Variants in FAM78B observed in about 807,000 individuals in gnomAD.
The protein encoded by FAM78B is protein FAM78B.
A neutral mutation model predicts 20.0 loss-of-function variants in FAM78B; 10 were observed. The ratio of observed to expected loss-of-function variants is 0.50; its 90% CI spans 0.31 to 0.85. FAM78B has a LOEUF of 0.85. Among genes scored for constraint, FAM78B ranks in the 40% least tolerant of loss-of-function variants. The pLI, the probability that FAM78B is intolerant of heterozygous loss-of-function variation, is 0.05. For synonymous variants in FAM78B, 135 were observed against 132.8 expected, an observed-to-expected ratio of 1.02 and a Z score of -0.12; for missense variants, 283 against 345.0, an observed-to-expected ratio of 0.82 and a Z score of 1.42.
intron 1 of FAM78B, among the ~76,000 whole-genome samples, chr1:166,145,226 C>A (rs1655413898): frequency 6.6e-6 from 1 of 152,232 alleles, no homozygotes; most frequent in Non-Finnish European, 1.5e-5. Flanking sequence ...GAATCACCAT[C>A]CCTGCCTCAG....
intron 1 of FAM78B, among the ~76,000 whole-genome samples, chr1:166,140,248 G>T (rs2101788030): frequency 6.6e-6 from 1 of 152,378 alleles, no homozygotes; most frequent in Non-Finnish European, 1.5e-5. Flanking sequence ...CCAACATGCG[G>T]CTTCTAAGCG....
At chr1:166,135,800 G>A (rs930470490) in intron 1 of FAM78B, among the ~76,000 whole-genome samples, 3 of 152,162 alleles carry the variant, frequency 2.0e-5, no homozygotes, top group East Asian at 1.9e-4. Flanking sequence ...TGTCAACTAC[G>A]GAAGGGAGGT....
intron 1 of FAM78B, among the ~76,000 whole-genome samples, chr1:166,121,221 C>A (rs1459623499): frequency 6.6e-6 from 1 of 152,198 alleles, no homozygotes; most frequent in Admixed American, 6.5e-5. Context: ...TCAAGGTCCA[C>A]AAGGGGCCAC....
intron 1 of FAM78B, among the ~76,000 whole-genome samples, chr1:166,116,045 T>C (rs1041383795): frequency 2.6e-5 from 4 of 152,228 alleles, no homozygotes; most frequent in African/African-American, 9.6e-5. Flanking sequence ...GCTAAGTGCA[T>C]AGGCCCCTAG....
At chr1:166,115,623 C>T (rs941361434) in intron 1 of FAM78B, among the ~76,000 whole-genome samples, 4 of 152,188 alleles carry the variant, frequency 2.6e-5, no homozygotes, top group African/African-American at 4.8e-5. Context: ...TCCCTACCTT[C>T]GCCGGGGCAG....
At chr1:166,065,820 G>C (rs1651772989), downstream of FAM78B, among the ~76,000 whole-genome samples, 1 of 152,122 alleles carries the variant, frequency 6.6e-6, no homozygotes, top group Non-Finnish European at 1.5e-5. Flanking sequence ...TGCTCACTCA[G>C]CTCCCTTTCT....
At chr1:166,155,765 A>G (rs6677013) in intron 1 of FAM78B, among the ~76,000 whole-genome samples, 3,597 of 152,228 alleles carry the variant, frequency 0.024, 159 homozygotes, top group African/African-American at 0.083. Context: ...GCCATTTTGG[A>G]ATGGAGGCTC....
At chr1:166,058,315 G>A (rs899873350) in exon 3 of FAM78B, 2 of 152,238 alleles carry the variant, frequency 1.3e-5, no homozygotes, top group African/African-American at 4.8e-5. Flanking sequence ...CCTGAGAGAT[G>A]GGACATAGGG....
At chr1:166,081,454 C>T (rs550294917) in intron 1 of FAM78B, among the ~76,000 whole-genome samples, 2 of 152,116 alleles carry the variant, frequency 1.3e-5, no homozygotes. Context: ...GGTTGACTTC[C>T]GACTCCAATT....
At chr1:166,116,881 C>G (rs571349733) in intron 1 of FAM78B, among the ~76,000 whole-genome samples, 2 of 152,326 alleles carry the variant, frequency 1.3e-5, no homozygotes, top group Non-Finnish European at 2.9e-5. Context: ...TCTTAAGGTT[C>G]CTTCCAGCTC....
chr1:166,066,134 C>T (rs905958415), downstream of FAM78B, among the ~76,000 whole-genome samples: 1 of 152,168 alleles, frequency 6.6e-6, no homozygotes, highest in East Asian at 1.9e-4. Context: ...TCAGCTGGGA[C>T]CTCAGTTGCA....
At chr1:166,125,844 T>C (rs1032758491) in intron 1 of FAM78B, among the ~76,000 whole-genome samples, 1 of 150,714 alleles carries the variant, frequency 6.6e-6, no homozygotes, top group African/African-American at 2.4e-5. Context: ...TTTTTTTTTT[T>C]TTTTTTGAGA....
At chr1:166,092,516 T>G (rs2101738704) in intron 1 of FAM78B, among the ~76,000 whole-genome samples, 1 of 152,344 alleles carries the variant, frequency 6.6e-6, no homozygotes, top group South Asian at 2.1e-4. Flanking sequence ...TTTGGTTCTC[T>G]GCCTATTCTA....
At chr1:166,067,722 C>A (rs1651853641), downstream of FAM78B, among the ~76,000 whole-genome samples, 1 of 152,190 alleles carries the variant, frequency 6.6e-6, no homozygotes, top group Admixed American at 6.5e-5. Flanking sequence ...TTCTGCCAGG[C>A]TGACTTCAGA....
chr1:166,078,876 G>C (rs1342768203), intron 1 of FAM78B, among the ~76,000 whole-genome samples: 2 of 151,918 alleles, frequency 1.3e-5, no homozygotes, highest in Non-Finnish European at 2.9e-5. Flanking sequence ...GAAATCTGCG[G>C]CAGTACTACC....
At chr1:166,154,217 C>T (rs190132868) in intron 1 of FAM78B, among the ~76,000 whole-genome samples, 1 of 152,318 alleles carries the variant, frequency 6.6e-6, no homozygotes, top group African/African-American at 2.4e-5. Context: ...TAGGAAGATA[C>T]CTTGCCTGTG....
intron 2 of FAM78B, among the ~76,000 whole-genome samples, chr1:166,062,662 C>T (rs187153207): frequency 3.3e-5 from 5 of 152,304 alleles, no homozygotes; most frequent in East Asian, 1.9e-4. Flanking sequence ...GCATGTGCAG[C>T]GTCTTTCTTT....
chr1:166,092,953 G>A (rs1223445290), intron 1 of FAM78B, among the ~76,000 whole-genome samples: 3 of 152,148 alleles, frequency 2.0e-5, no homozygotes, highest in South Asian at 2.1e-4. Flanking sequence ...CTAACTTGCC[G>A]TTAAGTGGCC....
intron 1 of FAM78B, among the ~76,000 whole-genome samples, chr1:166,094,003 C>CTGTG (rs58213930): frequency 0.04 from 5,042 of 125,272 alleles, 139 homozygotes; most frequent in South Asian, 0.063. Context: ...TTGCGAATGA[C>CTGTG]TGTGTGTGTG....
Sources: gnomAD v4.1 joint callset for allele counts (sites outside exome capture counted in the v4.1 genomes callset) on GRCh38, gnomAD v4.1.1 for gene constraint, MANE v1.5 for transcripts, NCBI Gene and HGNC (gene_info 2026-07-23, HGNC 2026-07-21) for gene names.